The following MPZL2 variants were observed in gnomAD, a reference collection of about 807,000 sequenced individuals.
MPZL2 encodes myelin protein zero-like protein 2.
In MPZL2, 32 loss-of-function variants were observed where a neutral mutation model predicts 24.5. That is an observed-to-expected ratio of 1.31 (90% CI 0.99 to 1.76). The LOEUF (loss-of-function observed/expected upper bound fraction) is 1.76. Among genes scored for constraint, MPZL2 ranks in the 40% most tolerant of loss-of-function variants. The pLI is 0.00. For missense variants in MPZL2, 304 were observed against 274.9 expected (o/e 1.11, Z -0.75); for synonymous variants, 92 against 97.9 (o/e 0.94, Z 0.36).
In MPZL2 at chr11:118,263,290, T is replaced by C. The variant is rs995222160; in HGVS notation, c.59-193A>G. 3 of 560,818 alleles carry C rather than the reference T, an allele frequency of 5.3e-6. No homozygotes were observed. The African/African-American group carries it at 5.7e-5, about 11-fold the overall frequency. 34.7% of individuals were successfully genotyped at this position (560,818 alleles called of 1,614,324 possible). A position where few individuals can be genotyped will look rare whatever the true frequency, so the allele number is the denominator to read the frequency against. ...ATGCAGCCTGGACCCTCCCATTCCA[T>C]GTGACAACTAAACTACCACACAGCA... On this transcript the variant is annotated intron_variant, in intron 1 of 5. Coordinates refer to ENST00000278937, the MANE Select transcript of MPZL2 (RefSeq NM_005797.4).
In MPZL2 at chr11:118,253,576, T is replaced by C. The variant is rs1205368099; in HGVS notation, c.*1670A>G. ...ATTTAGCCAAGACATAAGCTACAAA[T>C]TTTGCCGGAAAAACTGTCCATACAT... On this transcript the variant is annotated 3_prime_UTR_variant, in exon 6 of 6. Transcript: ENST00000278937. 1 of 152,138 alleles carries C rather than the reference T, an allele frequency of 6.6e-6. No individual in the cohort carries two copies. The highest frequency in any genetic ancestry group is 1.5e-5 in the Non-Finnish European group (1 of 67,978). The allele number at this position is 152,138 out of a possible 1,614,324, so 9.4% of individuals were successfully genotyped here. A position where few individuals can be genotyped will look rare whatever the true frequency, so the allele number is the denominator to read the frequency against.
At chr11:118,260,324 T>C in intron 3 of MPZL2, 123 bp from the exon 4 acceptor site, 2 of 956,592 alleles carry the variant, frequency 2.1e-6, no homozygotes, top group Non-Finnish European at 1.5e-6. Flanking sequence ...CCTTTATGCA[T>C]AAAATAATAT....
In MPZL2 at chr11:118,260,194, G is replaced by C; in HGVS notation, c.444C>G (p.Phe148Leu). 1 of 1,613,794 alleles carries C rather than the reference G, an allele frequency of 6.2e-7. No individual in the cohort carries two copies. Among genetic ancestry groups the C allele is most frequent in the Non-Finnish European group, 8.5e-7 (1 of 1,179,832 alleles). Residue 148 changes from phenylalanine (F) to leucine (L), a missense_variant, in exon 4 of 6, where the codon TTC becomes TTG. Transcript: ENST00000278937. ...IRLSVVHTVRFSEIHFLALAI... is the reference protein window; with the variant it reads ...IRLSVVHTVRLSEIHFLALAI... ...CCAGAGCCAGGAAGTGGATCTCAGA[G>C]AAGCGTACTGTAAGGAGAAAAAGAT...
At chr11:118,260,516 G>A (rs1432356592) in intron 3 of MPZL2, among the ~76,000 whole-genome samples, 3 of 152,284 alleles carry the variant, frequency 2.0e-5, no homozygotes, top group East Asian at 1.9e-4. Context: ...GTCTTAACAG[G>A]TCCTCCAGGT....
intron 3 of MPZL2, among the ~76,000 whole-genome samples, chr11:118,262,218 T>C (rs1440186679): frequency 6.6e-6 from 1 of 152,222 alleles, no homozygotes; most frequent in Admixed American, 6.5e-5. Context: ...CTGAGTTCCT[T>C]TGCTTTACTT....
At position 118,262,956 on chromosome 11, in the gene MPZL2, G is replaced by A. The variant is rs1432519124; in HGVS notation, c.200C>T (p.Pro67Leu). The A allele has an allele frequency of 4.3e-6, 7 of 1,614,150 alleles. No homozygotes were observed. Among genetic ancestry groups the A allele is most frequent in the African/African-American group, 1.3e-5 (1 of 75,030 alleles). ...AAACTGCTCAGGTCCCCCGTCTAGA[G>A]GACGAAAATTCCAGGTCACTGTTAG... Reference protein sequence around the residue: ...DALTVTWNFRPLDGGPEQFVF... With the variant: ...DALTVTWNFRLLDGGPEQFVF... Residue 67 changes from proline (P) to leucine (L), a missense_variant, in exon 2 of 6, where the codon CCT becomes CTT. By Grantham distance (98) the Pro-to-Leu change is moderately conservative. Transcript: ENST00000278937.
intron 4 of MPZL2, among the ~76,000 whole-genome samples, chr11:118,258,512 A>G (rs1245870548): frequency 1.3e-5 from 2 of 152,218 alleles, no homozygotes; most frequent in Non-Finnish European, 2.9e-5. Flanking sequence ...ATGGACAATA[A>G]GAACATGGGA....
At position 118,257,285 on chromosome 11, in the gene MPZL2, TC is replaced by T. The variant is rs1936703944; in HGVS notation, c.612del (p.Lys206ArgfsTer6). On this transcript the variant is annotated frameshift_variant, in exon 5 of 6. Coordinates refer to ENST00000278937, the MANE Select transcript of MPZL2 (RefSeq NM_005797.4). LOFTEE classifies it high-confidence loss of function. Reference protein sequence around the residue: ...KSKEEERLNQEKKVSVYLEDT... With the variant: ...KSKEEERLNQXKKVSVYLEDT... ...TCTTCTAAATAAACAGAGACCTTTT[TC>T]TCTTGGTTGAGCCTTTCCTCTTCTT... 3 of 1,612,088 alleles carry T rather than the reference TC, an allele frequency of 1.9e-6. No homozygotes were observed. Among genetic ancestry groups the T allele is most frequent in the Non-Finnish European group, 2.5e-6 (3 of 1,179,112 alleles).
At position 118,253,874 on chromosome 11, in the gene MPZL2, G is replaced by A. The variant is rs1372052636; in HGVS notation, c.*1372C>T. 4 of 152,490 alleles carry A rather than the reference G, an allele frequency of 2.6e-5. No homozygotes were observed. The highest frequency in any genetic ancestry group is 4.4e-5 in the Non-Finnish European group (3 of 67,976). 9.4% of individuals were successfully genotyped at this position (152,490 alleles called of 1,614,324 possible). A position where few individuals can be genotyped will look rare whatever the true frequency, so the allele number is the denominator to read the frequency against. ...AAATCATACAATTTTTTAAAAAATA[G>A]TATTGGAAAAATATCAAGGTCTATA... On this transcript the variant is annotated 3_prime_UTR_variant, in exon 6 of 6. Transcript: ENST00000278937.
At chr11:118,262,702 C>T (rs1949709475) in intron 2 of MPZL2, 54 bp from the exon 3 acceptor site, 5 of 1,563,704 alleles carry the variant, frequency 3.2e-6, no homozygotes, top group Non-Finnish European at 4.4e-6. Context: ...GGCAAGGAGG[C>T]CAAGATGGTG....
intron 4 of MPZL2, chr11:118,259,390 AG>A (rs1331886117): frequency 2.6e-5 from 4 of 152,260 alleles, no homozygotes; most frequent in Non-Finnish European, 4.4e-5. Flanking sequence ...CATTATGCTA[AG>A]TGAAAGAAGC....
At chr11:118,256,786 G>GTTGA (rs1206246180) in intron 5 of MPZL2, 2 of 152,218 alleles carry the variant, frequency 1.3e-5, no homozygotes, top group African/African-American at 4.8e-5. Context: ...AATGAGAGGA[G>GTTGA]TTGAAATCAA....
In MPZL2 at chr11:118,262,677, C is replaced by T; in HGVS notation, c.226-29G>A. 3 of 1,604,626 alleles carry T rather than the reference C, an allele frequency of 1.9e-6. No individual in the cohort carries two copies. The South Asian group carries it at 3.3e-5, about 18-fold the overall frequency. On this transcript the variant is annotated intron_variant, in intron 2 of 5. Coordinates refer to ENST00000278937, the MANE Select transcript of MPZL2 (RefSeq NM_005797.4). ...GAGAGGGGAAATGGCAAAAGGTCTT[C>T]TTACTCAGCACCCAGGCAAGGAGGC...
intron 3 of MPZL2, 88 bp downstream of exon 3, chr11:118,262,349 TC>T (rs1949705503): frequency 7.4e-7 from 1 of 1,343,412 alleles, no homozygotes; most frequent in Non-Finnish European, 1.1e-6. Context: ...CAAAAGATTG[TC>T]CCTCTCTCTC....
At chr11:118,263,359 G>A (rs990130259) in intron 1 of MPZL2, among the ~76,000 whole-genome samples, 2 of 152,138 alleles carry the variant, frequency 1.3e-5, no homozygotes, top group African/African-American at 2.4e-5. Context: ...TTAAAGCCTC[G>A]CCTCGTGGTA....
rs908840137 is a variant in MPZL2, at chr11:118,264,193, A to G, written c.-40T>C. On this transcript the variant is annotated 5_prime_UTR_variant, in exon 1 of 6. Transcript: ENST00000278937. ...CTTGGCCCCAGAGACCGGACGGGGCAGACCGAGGGCTCCAACACCCTGCCA... is the reference window on the plus strand; with the variant it reads ...CTTGGCCCCAGAGACCGGACGGGGCGGACCGAGGGCTCCAACACCCTGCCA... 4 of 1,601,722 alleles carry G rather than the reference A, an allele frequency of 2.5e-6. No individual in the cohort carries two copies. Among genetic ancestry groups the G allele is most frequent in the South Asian group, 1.1e-5 (1 of 90,836 alleles).
Position 118,262,554 on chromosome 11 carries a change from G to A in MPZL2, c.320C>T (p.Ser107Phe), listed in dbSNP as rs1251637670. 3 of 1,614,188 alleles carry A rather than the reference G, an allele frequency of 1.9e-6. No homozygotes were observed. The highest frequency in any genetic ancestry group is 1.7e-4 in the Middle Eastern group (1 of 6,054). The stretch of plus-strand genomic sequence containing the variant: ...GAACTGCAGTTTCCAGAGAAGGATG[G>A]AGGCATCGTACCGCTCAGGATTCCC... ...WDGNPERYDA[S>F]ILLWKLQFDD... Residue 107 changes from serine to phenylalanine, a missense_variant, in exon 3 of 6, where the codon TCC (serine) becomes TTC (phenylalanine). Physicochemically the swap from Ser to Phe is radical, Grantham distance 155. Coordinates refer to ENST00000278937, the MANE Select transcript of MPZL2 (RefSeq NM_005797.4).
At chr11:118,259,582 T>C (rs1352133045) in intron 4 of MPZL2, 1 of 152,646 alleles carries the variant, frequency 6.6e-6, no homozygotes, top group African/African-American at 2.4e-5. Context: ...GTTCTGCAAT[T>C]AGTGATGATT....
rs776133931 is a variant in MPZL2, at chr11:118,263,033, T to C, written c.123A>G (p.Thr41=). 1 of 1,614,218 alleles carries C rather than the reference T, an allele frequency of 6.2e-7. No homozygotes were observed. The highest frequency in any genetic ancestry group is 1.1e-5 in the South Asian group (1 of 91,084). Residue 41 remains threonine, a synonymous_variant, in exon 2 of 6, where the codon ACA becomes ACG. Transcript: ENST00000278937. The part of the protein sequence containing the change: ...TSRVLEAVNG[T]DARLKCTFSS... ...AGAAAGTGCATTTTAACCGAGCATC[T>C]GTCCCATTAACAGCCTCCAGCACCC... is the stretch of plus-strand genomic sequence containing the variant.
Sources: gnomAD v4.1 joint callset for allele counts (sites outside exome capture counted in the v4.1 genomes callset) on GRCh38, gnomAD v4.1.1 for gene constraint, MANE v1.5 for transcripts, NCBI Gene and HGNC (gene_info 2026-07-23, HGNC 2026-07-21) for gene names.